The following TMEM168 variants were observed in gnomAD, a reference collection of about 807,000 sequenced individuals.
TMEM168 encodes the protein transmembrane protein 168.
TMEM168 carries 40 observed loss-of-function variants against 53.2 expected under a neutral mutation model. The observed-to-expected ratio is 0.75, with a 90% CI of 0.58 to 0.98. The LOEUF is 0.98. Ranked by LOEUF, TMEM168 falls within the 50% of genes least tolerant of loss-of-function variation. The pLI is 0.00. For missense variants in TMEM168, 771 were observed against 828.8 expected, an observed-to-expected ratio of 0.93 and a Z score of 0.86; for synonymous variants, 282 against 293.0, an observed-to-expected ratio of 0.96 and a Z score of 0.38.
intron 2 of TMEM168, among the ~76,000 whole-genome samples, chr7:112,775,961 A>C (rs1793070895): frequency 6.6e-6 from 1 of 152,092 alleles, no homozygotes; most frequent in African/African-American, 2.4e-5. Flanking sequence ...GGCAGAAGAA[A>C]TAAGCAGGAG....
chr7:112,773,058 G>A lies in TMEM168; in HGVS notation c.1272-3C>T, dbSNP rs1404515090. 6.3e-7 allele frequency: 1 copy of A among 1,586,516 alleles called. No homozygotes were observed. Among genetic ancestry groups the A allele is most frequent in the Non-Finnish European group, 8.6e-7 (1 of 1,162,732 alleles). ...GCAGTGTTGGCTGACCATCAGGACT[G>A]AAGTAGGAGAAAAAACAAGAAGTAC... On this transcript the variant is annotated splice_polypyrimidine_tract_variant and splice_region_variant and intron_variant, in intron 3 of 4. Transcript: ENST00000312814.
chr7:112,765,990 C>T lies in TMEM168; in HGVS notation c.*1207G>A, dbSNP rs1390915367. On this transcript the variant is annotated 3_prime_UTR_variant, in exon 5 of 5. Transcript: ENST00000312814. ...AAACAATGAAGATTAGATTATACCC[C>T]AATTTAATTCTATTCCCTTCTTGTT... 3 of 152,412 alleles carry T rather than the reference C, an allele frequency of 2.0e-5. No homozygotes were observed. Among genetic ancestry groups the T allele is most frequent in the African/African-American group, 7.3e-5 (3 of 41,296 alleles). 9.4% of individuals were successfully genotyped at this position (152,412 alleles called of 1,614,324 possible). A position where few individuals can be genotyped will look rare whatever the true frequency, so the allele number is the denominator to read the frequency against.
At position 112,772,850 on chromosome 7, in the gene TMEM168, G is replaced by C. The variant is rs752168550; in HGVS notation, c.1477C>G (p.Pro493Ala). ...AFLELRTVDG[P>A]RHDTYILYYS... Reference sequence around the variant, plus strand: ...TACAAAATATACGTATCATGTCTGGGTCCATCCACTGTCCGAAGTTCGAGG... The same window carrying C: ...TACAAAATATACGTATCATGTCTGGCTCCATCCACTGTCCGAAGTTCGAGG... Residue 493 changes from proline to alanine, a missense_variant, in exon 4 of 5, where the codon CCC (proline) becomes GCC (alanine). Physicochemically the swap from Pro to Ala is conservative, Grantham distance 27 (BLOSUM62 -1). Transcript: ENST00000312814. 6.2e-7 allele frequency: 1 copy of C among 1,614,042 alleles called. No individual in the cohort carries two copies. Among genetic ancestry groups the C allele is most frequent in the South Asian group, 1.1e-5 (1 of 91,074 alleles).
chr7:112,788,014 G>A (rs1429244116), intron 1 of TMEM168, among the ~76,000 whole-genome samples: 2 of 152,050 alleles, frequency 1.3e-5, no homozygotes, highest in East Asian at 3.9e-4. Flanking sequence ...TTACAGGTGT[G>A]AGCCACTGCA....
intron 3 of TMEM168, among the ~76,000 whole-genome samples, chr7:112,774,019 C>T (rs372265029): frequency 3.9e-5 from 6 of 152,214 alleles, no homozygotes; most frequent in South Asian, 2.1e-4. Context: ...AAGTCTTTAA[C>T]GAAGGAAAAT....
rs1284293267 is a variant in TMEM168 at position 112,765,420 on chromosome 7, A to G, written c.*1777T>C. ...ATATACTTTTGTATTTGGCTTTCTT[A>G]AAGTGAAGAGATAATGCTTTAAAGC... On this transcript the variant is annotated 3_prime_UTR_variant, in exon 5 of 5. Transcript: ENST00000312814. The G allele has an allele frequency of 6.6e-6, 1 of 152,220 alleles. No homozygotes were observed. The highest frequency in any genetic ancestry group is 1.5e-5 in the Non-Finnish European group (1 of 68,032). The allele number at this position is 152,220 out of a possible 1,614,324, so 9.4% of individuals were successfully genotyped here.
intron 3 of TMEM168, 57 bp from the exon 4 acceptor site, chr7:112,773,112 T>C: frequency 2.0e-6 from 3 of 1,495,774 alleles, no homozygotes; most frequent in East Asian, 4.6e-5. Context: ...TCATCTGTCA[T>C]TTGTAACTGA....
intron 2 of TMEM168, among the ~76,000 whole-genome samples, chr7:112,780,646 C>T (rs554447906): frequency 5.9e-5 from 9 of 152,262 alleles, no homozygotes; most frequent in East Asian, 3.9e-4. Flanking sequence ...ACTGCTTGAG[C>T]GCAGGAGGTC....
In TMEM168 at chr7:112,763,780, T is replaced by TA. The variant is rs1176841186; in HGVS notation, c.*3416_*3417insT. Reference sequence around the variant, plus strand: ...ACAAAATATCCAGTTACAAATAGATTCTAATAAAGATTTTACTCAAAACAA... The same window carrying TA: ...ACAAAATATCCAGTTACAAATAGATTACTAATAAAGATTTTACTCAAAACAA... On this transcript the variant is annotated 3_prime_UTR_variant, in exon 5 of 5. Transcript: ENST00000312814. 6.6e-6 allele frequency: 1 copy of TA among 152,108 alleles called. No homozygotes were observed. Among genetic ancestry groups the TA allele is most frequent in the Non-Finnish European group, 1.5e-5 (1 of 68,000 alleles). The allele number at this position is 152,108 out of a possible 1,614,324, so 9.4% of individuals were successfully genotyped here.
intron 3 of TMEM168, among the ~76,000 whole-genome samples, chr7:112,774,549 A>G (rs1584440570): frequency 6.6e-6 from 1 of 150,640 alleles, no homozygotes; most frequent in Non-Finnish European, 1.5e-5. Context: ...ATATTTCACT[A>G]TGTTGCTTCA....
At chr7:112,783,664 G>T in intron 2 of TMEM168, 34 bp downstream of exon 2, 2 of 1,402,576 alleles carry the variant, frequency 1.4e-6, no homozygotes, top group Non-Finnish European at 1.9e-6. Context: ...TTTATTACAC[G>T]TCATTGGGGT....
Position 112,784,606 on chromosome 7 carries a change from C to T in TMEM168, c.220G>A (p.Val74Ile). 1.2e-6 allele frequency: 2 copies of T among 1,611,704 alleles called. No individual in the cohort carries two copies. Among genetic ancestry groups the T allele is most frequent in the South Asian group, 2.2e-5 (2 of 90,400 alleles). Residue 74 changes from valine to isoleucine, a missense_variant, in exon 2 of 5, where the codon GTT (valine) becomes ATT (isoleucine). Physicochemically the swap from Val to Ile is conservative, Grantham distance 29. Coordinates refer to ENST00000312814, the MANE Select transcript of TMEM168 (RefSeq NM_022484.6). ...ILVIFILGLF[V>I]LGIASILYYY... is the part of the protein sequence containing the mutation. ...TAGAGTATGCTGGCGATTCCAAGAA[C>T]AAAAAGACCAAGAATAAAAATTACC...
intron 2 of TMEM168, among the ~76,000 whole-genome samples, chr7:112,782,282 G>C (rs1793252425): frequency 6.6e-6 from 1 of 152,226 alleles, no homozygotes. Context: ...AGACTCCTTG[G>C]AAAGTTTTTG....
chr7:112,786,493 T>A (rs1290435562), intron 1 of TMEM168, among the ~76,000 whole-genome samples: 1 of 152,192 alleles, frequency 6.6e-6, no homozygotes. Flanking sequence ...TTCACTCATG[T>A]CTTAAGGTAC....
In TMEM168 at chr7:112,784,096, T is replaced by G. The variant is rs1793305807; in HGVS notation, c.730A>C (p.Ser244Arg). The G allele has an allele frequency of 6.2e-7, 1 of 1,613,152 alleles. No individual in the cohort carries two copies. Among genetic ancestry groups the G allele is most frequent in the Admixed American group, 1.7e-5 (1 of 59,878 alleles). The change falls in exon 2 of 5, where the codon AGT becomes CGT. Residue 244 changes from serine to arginine, a missense_variant. By Grantham distance (110) the Ser-to-Arg change is moderately radical. Transcript: ENST00000312814. ...ITDPFLDIYF[S>R]GLSVTERWKP... Reference sequence around the variant, plus strand: ...CATCTTTCAGTTACTGAAAGTCCACTAAAATAAATGTCAAGGAAAGGATCA... The same window carrying G: ...CATCTTTCAGTTACTGAAAGTCCACGAAAATAAATGTCAAGGAAAGGATCA...
chr7:112,787,251 T>C (rs1793407504), intron 1 of TMEM168, among the ~76,000 whole-genome samples: 1 of 152,236 alleles, frequency 6.6e-6, no homozygotes. Context: ...CTTCACTTCT[T>C]ACCCATTCAC....
Position 112,763,785 on chromosome 7 carries a change from TAAAG to T in TMEM168, c.*3408_*3411del, listed in dbSNP as rs1792709262. 2 of 152,134 alleles carry T rather than the reference TAAAG, an allele frequency of 1.3e-5. No homozygotes were observed. The highest frequency in any genetic ancestry group is 6.5e-5 in the Admixed American group (1 of 15,268). The allele number at this position is 152,134 out of a possible 1,614,324, so 9.4% of individuals were successfully genotyped here. ...ATATCCAGTTACAAATAGATTCTAA[TAAAG>T]ATTTTACTCAAAACAAAAATCTACC... On this transcript the variant is annotated 3_prime_UTR_variant, in exon 5 of 5. Transcript: ENST00000312814.
intron 2 of TMEM168, among the ~76,000 whole-genome samples, chr7:112,782,417 G>A (rs1279144370): frequency 6.6e-6 from 1 of 152,102 alleles, no homozygotes; most frequent in African/African-American, 2.4e-5. Context: ...GCATGAATGA[G>A]GCTGACTTGG....
intron 4 of TMEM168, among the ~76,000 whole-genome samples, chr7:112,770,507 A>T (rs767098510): frequency 2.0e-5 from 3 of 152,208 alleles, no homozygotes; most frequent in Non-Finnish European, 4.4e-5. Flanking sequence ...TAACTGCTAA[A>T]CATTTACCTA....
Sources: allele counts gnomAD v4.1 joint callset (sites outside exome capture counted in the v4.1 genomes callset), GRCh38; gene constraint gnomAD v4.1.1; transcripts MANE v1.5; gene names NCBI Gene and HGNC (gene_info 2026-07-23, HGNC 2026-07-21).